INVS: variants seen among roughly 807,000 people sequenced by gnomAD.
The protein encoded by INVS is inversion of embryo turning homolog.
INVS carries 86 observed loss-of-function variants against 108.8 expected under a neutral mutation model. The ratio of observed to expected loss-of-function variants is 0.79; its 90% CI spans 0.66 to 0.95. The LOEUF is 0.95. INVS is among the 40% of genes least tolerant of loss of function. INVS has a pLI of 0.00. For missense variants in INVS, 1,169 were observed against 1,297.4 expected (o/e 0.90, Z 1.52); for synonymous variants, 455 against 473.5 (o/e 0.96, Z 0.51).
chr9:100,229,966 C>A, intron 5 of INVS, 139 bp downstream of exon 5: 1 of 786,710 alleles, frequency 1.3e-6, no homozygotes, highest in Non-Finnish European at 2.1e-6. Context: ...GGACTCATCC[C>A]CCAAGAAGTA....
At chr9:100,168,804 C>T (rs1829446180) in intron 3 of INVS, among the ~76,000 whole-genome samples, 1 of 152,060 alleles carries the variant, frequency 6.6e-6, no homozygotes, top group Non-Finnish European at 1.5e-5. Context: ...ATTAAATATC[C>T]CTTTAGATAA....
chr9:100,139,831 A>G (rs1411289777), intron 3 of INVS, among the ~76,000 whole-genome samples: 1 of 152,132 alleles, frequency 6.6e-6, no homozygotes, highest in African/African-American at 2.4e-5. Flanking sequence ...TTATAGAGAC[A>G]GGGGTTTCGC....
At chr9:100,256,615 G>A (rs1832429779) in intron 10 of INVS, among the ~76,000 whole-genome samples, 1 of 152,086 alleles carries the variant, frequency 6.6e-6, no homozygotes, top group African/African-American at 2.4e-5. Flanking sequence ...GGTGTGTTGT[G>A]TCTTTGTTCT....
intron 3 of INVS, among the ~76,000 whole-genome samples, chr9:100,134,994 T>A (rs1007502965): frequency 6.6e-6 from 1 of 152,154 alleles, no homozygotes; most frequent in Non-Finnish European, 1.5e-5. Context: ...CAAATCAGAT[T>A]TGTGGTTACC....
chr9:100,224,830 G>C (rs1340107109), intron 3 of INVS, among the ~76,000 whole-genome samples: 1 of 151,704 alleles, frequency 6.6e-6, no homozygotes, highest in African/African-American at 2.4e-5. Context: ...TGGCCAGGCT[G>C]GTCTAGAACT....
chr9:100,207,165 A>G (rs987502519), intron 3 of INVS, among the ~76,000 whole-genome samples: 3 of 143,364 alleles, frequency 2.1e-5, no homozygotes, highest in African/African-American at 5.9e-5. Flanking sequence ...GAAACTATAT[A>G]AATATCCTGG....
Position 100,121,705 on chromosome 9 carries a change from C to G in INVS, c.107-4678C>G, listed in dbSNP as rs186296247. Among the ~76,000 whole-genome samples, 890 of 151,162 alleles carry G rather than the reference C, an allele frequency of 5.9e-3. 5 individuals are homozygous for G. The highest frequency in any genetic ancestry group is 0.022 in the South Asian group (106 of 4,814). ...TTTCTGATTTTAATGTAATTGCTCT[C>G]TGTTCTTATTTTTCTTATGTACTTC... On this transcript the variant is annotated intron_variant, in intron 2 of 16. Transcript: ENST00000262457.
At chr9:100,110,360 A>G (rs1827305161) in intron 2 of INVS, among the ~76,000 whole-genome samples, 1 of 152,226 alleles carries the variant, frequency 6.6e-6, no homozygotes, top group Non-Finnish European at 1.5e-5. Context: ...AAGTATCAGA[A>G]CTGAGATTAA....
chr9:100,238,994 G>T (rs956713396), intron 5 of INVS, among the ~76,000 whole-genome samples: 2 of 152,202 alleles, frequency 1.3e-5, no homozygotes, highest in African/African-American at 4.8e-5. Flanking sequence ...AATACCAAAT[G>T]ATTAATTTCT....
chr9:100,260,440 C>T (rs1338773338), intron 10 of INVS, among the ~76,000 whole-genome samples: 1 of 152,144 alleles, frequency 6.6e-6, no homozygotes, highest in Non-Finnish European at 1.5e-5. Flanking sequence ...ATCCACCCAC[C>T]TTGGCCTCCC....
intron 3 of INVS, among the ~76,000 whole-genome samples, chr9:100,202,439 T>C (rs1360591566): frequency 1.3e-5 from 2 of 152,208 alleles, no homozygotes; most frequent in Non-Finnish European, 2.9e-5. Context: ...GAAATGGCCA[T>C]GGCATTTTTT....
At chr9:100,259,597 G>A (rs1377598686) in intron 10 of INVS, among the ~76,000 whole-genome samples, 1 of 150,428 alleles carries the variant, frequency 6.6e-6, no homozygotes, top group Non-Finnish European at 1.5e-5. Flanking sequence ...GAGCGCAGTG[G>A]TGCAATCTTG....
intron 10 of INVS, among the ~76,000 whole-genome samples, chr9:100,258,622 G>C (rs1224732671): frequency 6.6e-6 from 1 of 152,172 alleles, no homozygotes; most frequent in East Asian, 1.9e-4. Context: ...CTGTTTGTTA[G>C]TTTTCCTTCT....
chr9:100,143,907 C>T (rs1564130824), intron 3 of INVS, among the ~76,000 whole-genome samples: 2 of 152,076 alleles, frequency 1.3e-5, no homozygotes, highest in East Asian at 3.9e-4. Flanking sequence ...TGAAGCTCGG[C>T]GTCCGTGATG....
intron 3 of INVS, among the ~76,000 whole-genome samples, chr9:100,150,826 C>T (rs1828786069): frequency 6.6e-6 from 1 of 152,084 alleles, no homozygotes; most frequent in Non-Finnish European, 1.5e-5. Flanking sequence ...TCTCTTTGTA[C>T]CTCCTTTAGC....
At chr9:100,131,840 C>T (rs1828063492) in intron 3 of INVS, 1 of 682,172 alleles carries the variant, frequency 1.5e-6, no homozygotes, top group Non-Finnish European at 1.8e-6. Context: ...ATTCTCAGTT[C>T]ATCTATGAAA....
chr9:100,182,434 A>G (rs1166442095), intron 3 of INVS, among the ~76,000 whole-genome samples: 1 of 152,214 alleles, frequency 6.6e-6, no homozygotes, highest in Non-Finnish European at 1.5e-5. Flanking sequence ...AACCCCATCA[A>G]AAAGTGGGCG....
intron 3 of INVS, among the ~76,000 whole-genome samples, chr9:100,140,741 A>C (rs1243943676): frequency 6.6e-6 from 1 of 152,154 alleles, no homozygotes; most frequent in Admixed American, 6.5e-5. Flanking sequence ...GGGAACCTAG[A>C]ATGGGAGAGA....
At chr9:100,127,074 C>T (rs79826837) in intron 3 of INVS, among the ~76,000 whole-genome samples, 1 of 152,130 alleles carries the variant, frequency 6.6e-6, no homozygotes, top group East Asian at 1.9e-4. Flanking sequence ...CGCACACTTG[C>T]AGTCCCAGCT....
Sources: allele counts gnomAD v4.1 joint callset (sites outside exome capture counted in the v4.1 genomes callset), GRCh38; gene constraint gnomAD v4.1.1; transcripts MANE v1.5; gene names NCBI Gene and HGNC (gene_info 2026-07-23, HGNC 2026-07-21).